The following SQSTM1 variants were observed in gnomAD, a reference collection of about 807,000 sequenced individuals.
The protein encoded by SQSTM1 is sequestosome-1.
A neutral mutation model predicts 45.1 loss-of-function variants in SQSTM1; 36 were observed. The ratio of observed to expected loss-of-function variants is 0.80; its 90% CI spans 0.61 to 1.05. SQSTM1 has a LOEUF of 1.05. Ranked by LOEUF, SQSTM1 falls within the 50% of genes least tolerant of loss-of-function variation. The probability of loss-of-function intolerance (pLI) is 0.00; values close to 1 mark genes in which losing one functional copy is unlikely to be tolerated. For synonymous variants in SQSTM1, 290 were observed against 244.3 expected (o/e 1.19, Z -1.74); for missense variants, 617 against 607.1 (o/e 1.02, Z -0.17).
chr5:179,812,070 C>T (rs1212048611), intron 2 of SQSTM1: 1 of 152,244 alleles, frequency 6.6e-6, no homozygotes, highest in Non-Finnish European at 1.5e-5. Flanking sequence ...TCCCAAAGTG[C>T]TGGGATTACA....
At chr5:179,832,069 C>T (rs968132323) in intron 5 of SQSTM1, among the ~76,000 whole-genome samples, 2 of 152,226 alleles carry the variant, frequency 1.3e-5, no homozygotes, top group Non-Finnish European at 2.9e-5. Context: ...AGGCGTGAGC[C>T]ACTGCGCTCG....
intron 5 of SQSTM1, among the ~76,000 whole-genome samples, chr5:179,829,824 G>A (rs1281706927): frequency 6.6e-6 from 1 of 152,020 alleles, no homozygotes; most frequent in Admixed American, 6.6e-5. Context: ...CACCAGGCAT[G>A]GTGGCTCATG....
chr5:179,835,485 A>C (rs967867670), intron 7 of SQSTM1: 8 of 157,018 alleles, frequency 5.1e-5, no homozygotes, highest in African/African-American at 1.9e-4. Flanking sequence ...GGAGCTGGAG[A>C]CCAGCCCGGC....
At chr5:179,833,341 A>T in intron 6 of SQSTM1, 95 bp downstream of exon 6, 1 of 1,264,518 alleles carries the variant, frequency 7.9e-7, no homozygotes, top group Admixed American at 2.0e-5. Flanking sequence ...CTGCAGCCCC[A>T]CTTACAAACC....
intron 5 of SQSTM1, among the ~76,000 whole-genome samples, chr5:179,829,681 T>G (rs1758134030): frequency 3.9e-5 from 6 of 152,106 alleles, no homozygotes; most frequent in African/African-American, 1.4e-4. Context: ...AAAATAGAGA[T>G]AGTTTTTTTA....
Position 179,837,405 on chromosome 5 carries a change from C to T in SQSTM1, c.*812C>T, listed in dbSNP as rs755839994. 3.6e-5 allele frequency: 57 copies of T among 1,591,806 alleles called. No homozygotes were observed. The highest frequency in any genetic ancestry group is 4.7e-5 in the Non-Finnish European group (55 of 1,167,244). ...CCAGTCCCAGATCACACATCATCATCGAAGTCTTCCCCAGTTATAAAGAGG... is the reference window on the plus strand; with the variant it reads ...CCAGTCCCAGATCACACATCATCATTGAAGTCTTCCCCAGTTATAAAGAGG... On this transcript the variant is annotated 3_prime_UTR_variant, in exon 8 of 8. Transcript: ENST00000389805.
intron 1 of SQSTM1, among the ~76,000 whole-genome samples, chr5:179,822,120 A>G (rs557754776): frequency 1.3e-5 from 2 of 152,262 alleles, no homozygotes; most frequent in African/African-American, 4.8e-5. Flanking sequence ...TCTTATCCAC[A>G]TGCCCCCAGC....
At chr5:179,832,999 T>A in intron 5 of SQSTM1, 33 bp from the exon 6 acceptor site, 3 of 1,612,764 alleles carry the variant, frequency 1.9e-6, no homozygotes, top group Non-Finnish European at 2.5e-6. Flanking sequence ...TTGGGGGAAC[T>A]TCACGGCTTG....
At position 179,821,642 on chromosome 5, in the gene SQSTM1, A is replaced by G. The variant is rs374943896; in HGVS notation, c.205+501A>G. 5.4e-4 allele frequency: 222 copies of G among 409,846 alleles called. 1 individual carries two copies. The East Asian group carries it at 0.018, about 33-fold the overall frequency. The allele number at this position is 409,846 out of a possible 1,614,324, so 25.4% of individuals were successfully genotyped here. The stretch of plus-strand genomic sequence containing the variant: ...GTAAACAAGCGCGGGGGTGCGGGGG[A>G]CTCGCGAGCGCCGCGACAGCGCCTG... On this transcript the variant is annotated intron_variant, in intron 1 of 7. Coordinates refer to ENST00000389805, the MANE Select transcript of SQSTM1 (RefSeq NM_003900.5).
chr5:179,832,954 C>T, intron 5 of SQSTM1, 78 bp from the exon 6 acceptor site: 2 of 1,450,674 alleles, frequency 1.4e-6, no homozygotes, highest in Non-Finnish European at 1.9e-6. Flanking sequence ...AGTCTGTAGT[C>T]TCCACAGGCC....
upstream of SQSTM1, among the ~76,000 whole-genome samples, chr5:179,814,808 C>G (rs909362203): frequency 7.3e-5 from 11 of 151,592 alleles, no homozygotes; most frequent in African/African-American, 2.7e-4. Flanking sequence ...CTAATCCCAG[C>G]ACTTTAGGAG....
In SQSTM1 at chr5:179,827,308, C is replaced by CT. The variant is rs199693608; in HGVS notation, c.754+2091dup. On this transcript the variant is annotated intron_variant, in intron 5 of 7. Coordinates refer to ENST00000389805, the MANE Select transcript of SQSTM1 (RefSeq NM_003900.5). ...AATAATCTTGCAGATGCTCAGATGT[C>CT]TTTTTTTTTCTGAGACGGAGTCTCG... Among the ~76,000 whole-genome samples the CT allele has an allele frequency of 1.9e-3, 292 of 151,782 alleles. 1 individual carries two copies. The highest frequency in any genetic ancestry group is 9.4e-3 in the South Asian group (45 of 4,798).
chr5:179,830,916 C>T (rs993326898), intron 5 of SQSTM1, among the ~76,000 whole-genome samples: 3 of 152,010 alleles, frequency 2.0e-5, no homozygotes, highest in East Asian at 1.9e-4. Context: ...CTGCCCAGGC[C>T]GATTTTGAAC....
Position 179,837,646 on chromosome 5 carries a change from T to G in SQSTM1, c.*1053T>G, listed in dbSNP as rs371482381. On this transcript the variant is annotated 3_prime_UTR_variant, in exon 8 of 8. Transcript: ENST00000389805. ...TGGGGGTCCCTTGCTTAGCCTGTGC[T>G]GGACCAGCTGGCCTGGGGTCCCTCT... 6.2e-7 allele frequency: 1 copy of G among 1,614,230 alleles called. No individual in the cohort carries two copies. Among genetic ancestry groups the G allele is most frequent in the Non-Finnish European group, 8.5e-7 (1 of 1,180,046 alleles).
At position 179,836,768 on chromosome 5, in the gene SQSTM1, T is replaced by G. The variant is rs186996560; in HGVS notation, c.*175T>G. The G allele has an allele frequency of 1.2e-3, 1,036 of 853,508 alleles. 2 individuals are homozygous for G. Among genetic ancestry groups the G allele is most frequent in the Non-Finnish European group, 1.6e-3 (840 of 538,918 alleles). The allele number at this position is 853,508 out of a possible 1,614,324, so 52.9% of individuals were successfully genotyped here. A position where few individuals can be genotyped will look rare whatever the true frequency, so the allele number is the denominator to read the frequency against. On this transcript the variant is annotated 3_prime_UTR_variant, in exon 8 of 8. Coordinates refer to ENST00000389805, the MANE Select transcript of SQSTM1 (RefSeq NM_003900.5). The stretch of plus-strand genomic sequence containing the variant: ...ACAAGTGACATGAAGGGAGGGTCCC[T>G]GTGTGTGTGTGTGCTGATGTTTCCT...
upstream of SQSTM1, chr5:179,820,662 C>T (rs1384660133): frequency 5.0e-6 from 2 of 398,148 alleles, no homozygotes; most frequent in East Asian, 4.2e-5. Context: ...AGTGCCAGGG[C>T]CGGTTTCCTG....
chr5:179,832,699 C>T (rs1034488558), intron 5 of SQSTM1, among the ~76,000 whole-genome samples: 2 of 152,200 alleles, frequency 1.3e-5, no homozygotes, highest in Admixed American at 1.3e-4. Flanking sequence ...TAATGTTTTA[C>T]TGAATTGGAG....
At position 179,837,196 on chromosome 5, in the gene SQSTM1, G is replaced by C. The variant is rs768589839; in HGVS notation, c.*603G>C. On this transcript the variant is annotated 3_prime_UTR_variant, in exon 8 of 8. Coordinates refer to ENST00000389805, the MANE Select transcript of SQSTM1 (RefSeq NM_003900.5). ...GCTGCTTTTAAAATAAGATCTCTTTGTAGCCATCCTGTTAAATTTGTAAAC... is the reference window on the plus strand; with the variant it reads ...GCTGCTTTTAAAATAAGATCTCTTTCTAGCCATCCTGTTAAATTTGTAAAC... 5 of 1,550,438 alleles carry C rather than the reference G, an allele frequency of 3.2e-6. No individual in the cohort carries two copies. In the Admixed American group the frequency reaches 5.7e-5, roughly 18 times the overall value.
At chr5:179,821,488 C>T in intron 1 of SQSTM1, 1 of 535,286 alleles carries the variant, frequency 1.9e-6, no homozygotes, top group Non-Finnish European at 3.6e-6. Flanking sequence ...AACGCTCTGG[C>T]TCTCCGCGGG....
Sources: gnomAD v4.1 joint callset for allele counts (sites outside exome capture counted in the v4.1 genomes callset) on GRCh38, gnomAD v4.1.1 for gene constraint, MANE v1.5 for transcripts, NCBI Gene and HGNC (gene_info 2026-07-23, HGNC 2026-07-21) for gene names.